Variants in CDK5RAP1 observed in about 807,000 individuals in gnomAD.
CDK5RAP1 encodes the protein mitochondrial tRNA methylthiotransferase CDK5RAP1.
A neutral mutation model predicts 64.5 loss-of-function variants in CDK5RAP1; 62 were observed. The observed-to-expected ratio is 0.96, with a 90% CI of 0.78 to 1.19. The LOEUF (loss-of-function observed/expected upper bound fraction) is 1.19, where lower values mean the gene tolerates loss of function less well. Ranked by LOEUF, CDK5RAP1 falls within the 50% of genes most tolerant of loss-of-function variation. CDK5RAP1 has a pLI of 0.00. For synonymous variants in CDK5RAP1, 250 were observed against 261.9 expected, an observed-to-expected ratio of 0.95 and a Z score of 0.44; for missense variants, 657 against 735.0, an observed-to-expected ratio of 0.89 and a Z score of 1.23.
At chr20:33,366,735 G>A in intron 12 of CDK5RAP1, 124 bp downstream of exon 12, 2 of 838,418 alleles carry the variant, frequency 2.4e-6, no homozygotes, top group Non-Finnish European at 1.8e-6. Context: ...GGGAGGCTGA[G>A]GCAGGAGAAT....
chr20:33,378,649 T>G (rs1322548791), intron 8 of CDK5RAP1, among the ~76,000 whole-genome samples: 1 of 152,170 alleles, frequency 6.6e-6, no homozygotes. Flanking sequence ...CAGGAGGTAA[T>G]TGTTAACCCC....
intron 1 of CDK5RAP1, among the ~76,000 whole-genome samples, chr20:33,399,462 C>T (rs1989197537): frequency 6.6e-6 from 1 of 152,212 alleles, no homozygotes; most frequent in African/African-American, 2.4e-5. Flanking sequence ...CATCACAAGA[C>T]TCATCACACT....
intron 12 of CDK5RAP1, among the ~76,000 whole-genome samples, chr20:33,363,321 T>C (rs1983274023): frequency 6.6e-6 from 1 of 152,218 alleles, no homozygotes; most frequent in African/African-American, 2.4e-5. Context: ...ATCCTTTTCC[T>C]ATAAAGGACA....
At chr20:33,373,420 C>G (rs1985450661) in intron 9 of CDK5RAP1, 1 of 152,274 alleles carries the variant, frequency 6.6e-6, no homozygotes, top group Non-Finnish European at 1.5e-5. Flanking sequence ...TCCCAAAGTG[C>G]TTGGATTACA....
intron 9 of CDK5RAP1, 169 bp downstream of exon 9, chr20:33,373,946 G>A: frequency 6.4e-6 from 4 of 627,514 alleles, no homozygotes; most frequent in South Asian, 3.8e-5. Flanking sequence ...TGCTTATGAA[G>A]TGAGCAGAAG....
chr20:33,389,511 G>A (rs535571454), intron 5 of CDK5RAP1, among the ~76,000 whole-genome samples: 2,408 of 151,052 alleles, frequency 0.016, 27 homozygotes, highest in Non-Finnish European at 0.021. Context: ...GCCCCCGCCC[G>A]GCCAGCCGAC....
chr20:33,400,680 T>C (rs1201702587), intron 1 of CDK5RAP1, among the ~76,000 whole-genome samples: 1 of 151,834 alleles, frequency 6.6e-6, no homozygotes, highest in Non-Finnish European at 1.5e-5. Flanking sequence ...CCGGGTGTGG[T>C]GGTATGCGCC....
intron 6 of CDK5RAP1, among the ~76,000 whole-genome samples, chr20:33,386,910 C>T (rs1002799574): frequency 6.6e-6 from 1 of 151,942 alleles, no homozygotes; most frequent in African/African-American, 2.4e-5. Context: ...GCTTGTATTC[C>T]AATAAAACCT....
intron 8 of CDK5RAP1, among the ~76,000 whole-genome samples, chr20:33,379,028 C>A (rs1000970569): frequency 3.9e-5 from 6 of 152,130 alleles, no homozygotes; most frequent in African/African-American, 1.4e-4. Flanking sequence ...CGGCTCACTG[C>A]AGCCTCGACT....
chr20:33,361,130 C>G (rs905551364), intron 12 of CDK5RAP1, among the ~76,000 whole-genome samples: 2 of 152,130 alleles, frequency 1.3e-5, no homozygotes, highest in Admixed American at 1.3e-4. Context: ...AGAGATCATA[C>G]AAGACTGTGA....
intron 5 of CDK5RAP1, among the ~76,000 whole-genome samples, chr20:33,391,930 G>A (rs1988370074): frequency 6.6e-6 from 1 of 152,082 alleles, no homozygotes; most frequent in Non-Finnish European, 1.5e-5. Context: ...ACCACTTTCT[G>A]AGCACCTATT....
intron 8 of CDK5RAP1, among the ~76,000 whole-genome samples, chr20:33,374,846 G>A (rs973406069): frequency 3.3e-5 from 5 of 150,064 alleles, no homozygotes; most frequent in Non-Finnish European, 5.9e-5. Context: ...GAGCCACCAC[G>A]CCCAGCCCAA....
At chr20:33,384,901 CAAAAATA>C (rs911907943) in intron 7 of CDK5RAP1, among the ~76,000 whole-genome samples, 2 of 151,976 alleles carry the variant, frequency 1.3e-5, no homozygotes, top group African/African-American at 2.4e-5. Context: ...AAGCCCGTCT[CAAAAATA>C]AAAAATAAAA....
chr20:33,361,520 T>C (rs1982912284), intron 12 of CDK5RAP1, among the ~76,000 whole-genome samples: 1 of 151,998 alleles, frequency 6.6e-6, no homozygotes, highest in East Asian at 1.9e-4. Context: ...CACTACCAAA[T>C]AGAAGAGTTT....
rs1290004435 is a variant in CDK5RAP1 at position 33,392,180 on chromosome 20, C to T, written c.506G>A (p.Arg169Gln). The change falls in exon 5 of 14, where the codon CGG becomes CAG. Residue 169 changes from arginine (R) to glutamine (Q), a missense_variant. Arg to Gln is a conservative substitution (Grantham distance 43, BLOSUM62 1). Coordinates refer to ENST00000346416, the MANE Select transcript of CDK5RAP1 (RefSeq NM_016408.4). ...CCTCAGAGGAACCCGGGAGCGGGGC[C>T]GCCTTGTCTTCAAGGCTTTAAGCTG... is the stretch of plus-strand genomic sequence containing the variant. ...LHQLKALKTR[R>Q]PRSRVPLRIG... 2.4e-5 allele frequency: 38 copies of T among 1,613,506 alleles called. No individual in the cohort carries two copies. Among genetic ancestry groups the T allele is most frequent in the Non-Finnish European group, 3.0e-5 (35 of 1,179,614 alleles).
chr20:33,398,815 A>G (rs1989132772), intron 1 of CDK5RAP1, among the ~76,000 whole-genome samples: 2 of 152,118 alleles, frequency 1.3e-5, no homozygotes, highest in African/African-American at 4.8e-5. Context: ...AGTCCCAGCT[A>G]CTCAGGAGGT....
intron 12 of CDK5RAP1, among the ~76,000 whole-genome samples, chr20:33,361,265 C>A (rs1249148644): frequency 1.3e-5 from 2 of 152,184 alleles, no homozygotes; most frequent in African/African-American, 4.8e-5. Context: ...TGGTCCTCCC[C>A]TGCACTGAAG....
Position 33,397,542 on chromosome 20 carries a change from T to C in CDK5RAP1, c.-20-458A>G, listed in dbSNP as rs1246330073. On this transcript the variant is annotated intron_variant, in intron 1 of 13. Coordinates refer to ENST00000346416, the MANE Select transcript of CDK5RAP1 (RefSeq NM_016408.4). ...ACAAGGACTCAGATAAAAATCTGTATGGATGCAAAGCCCGTGCCACTACCC... is the reference window on the plus strand; with the variant it reads ...ACAAGGACTCAGATAAAAATCTGTACGGATGCAAAGCCCGTGCCACTACCC... Among the ~76,000 whole-genome samples the C allele has an allele frequency of 2.6e-5, 4 of 152,236 alleles. No homozygotes were observed. The East Asian group carries it at 7.7e-4, about 29-fold the overall frequency.
At position 33,395,058 on chromosome 20, in the gene CDK5RAP1, G is replaced by C. The variant is rs1333256951; in HGVS notation, c.363C>G (p.Ser121=). ...MNVNDTEIAW[S]ILQKSGYLRT... is the part of the protein sequence containing the mutation. ...GCAGGTAGCCACTCTTCTGTAAGAT[G>C]GACCAGGCTATCTCTGTGTCATTCA... Residue 121 remains serine, a synonymous_variant, in exon 3 of 14, where the codon TCC becomes TCG. Transcript: ENST00000346416. The C allele has an allele frequency of 6.2e-7, 1 of 1,613,384 alleles. No individual in the cohort carries two copies. The highest frequency in any genetic ancestry group is 8.5e-7 in the Non-Finnish European group (1 of 1,179,448).
Sources: gnomAD v4.1 joint callset for allele counts (sites outside exome capture counted in the v4.1 genomes callset) on GRCh38, gnomAD v4.1.1 for gene constraint, MANE v1.5 for transcripts, NCBI Gene and HGNC (gene_info 2026-07-23, HGNC 2026-07-21) for gene names.